The following IL6ST variants were observed in gnomAD, a reference collection of about 807,000 sequenced individuals.
IL6ST encodes interleukin 6 cytokine family signal transducer.
A neutral mutation model predicts 91.3 loss-of-function variants in IL6ST; 24 were observed. The ratio of observed to expected loss-of-function variants is 0.26; its 90% CI spans 0.19 to 0.37. IL6ST has a LOEUF of 0.37. Among genes scored for constraint, IL6ST ranks in the 10% least tolerant of loss-of-function variants. IL6ST has a pLI of 1.00. For missense variants in IL6ST, 914 were observed against 1,078.5 expected (o/e 0.85, Z 2.14); for synonymous variants, 351 against 373.6 (o/e 0.94, Z 0.70).
chr5:55,960,269 A>G (rs1459567254), intron 8 of IL6ST, 133 bp downstream of exon 8: 7 of 661,704 alleles, frequency 1.1e-5, no homozygotes, highest in Non-Finnish European at 1.8e-5. Flanking sequence ...CTTAAAAATT[A>G]AAACGTTAAA....
intron 1 of IL6ST, among the ~76,000 whole-genome samples, chr5:55,989,915 T>A (rs1204561355): frequency 6.6e-6 from 1 of 152,142 alleles, no homozygotes; most frequent in East Asian, 1.9e-4. Context: ...ACCAGAGCTA[T>A]GCTATCTGAA....
Position 55,935,803 on chromosome 5 carries a change from A to G in IL6ST, c.*5279T>C, listed in dbSNP as rs77494369. 1,785 of 217,590 alleles carry G rather than the reference A, an allele frequency of 8.2e-3. 37 individuals are homozygous for G. Among genetic ancestry groups the G allele is most frequent in the African/African-American group, 0.037 (1,638 of 44,582 alleles). The allele number at this position is 217,590 out of a possible 1,614,324, so 13.5% of individuals were successfully genotyped here. A position where few individuals can be genotyped will look rare whatever the true frequency, so the allele number is the denominator to read the frequency against. ...GGAAAGTTAAGCAATCCTGAACAAGAAAACTCTCTCACTGCCTTTGGGCTA... is the reference window on the plus strand; with the variant it reads ...GGAAAGTTAAGCAATCCTGAACAAGGAAACTCTCTCACTGCCTTTGGGCTA... On this transcript the variant is annotated 3_prime_UTR_variant, in exon 17 of 17. Transcript: ENST00000381298.
At chr5:55,950,245 A>G (rs373952209) in intron 14 of IL6ST, 47 of 468,308 alleles carry the variant, frequency 1.0e-4, no homozygotes, top group African/African-American at 9.1e-4. Context: ...GTAAGAAAAC[A>G]GGGTCAAGAG....
chr5:55,988,848 C>T (rs903285960), intron 1 of IL6ST, among the ~76,000 whole-genome samples: 14 of 150,896 alleles, frequency 9.3e-5, no homozygotes, highest in African/African-American at 2.9e-4. Flanking sequence ...CAGTGGCTCA[C>T]GGCTGTAATC....
chr5:55,988,447 A>C (rs575608867), intron 1 of IL6ST, among the ~76,000 whole-genome samples: 4 of 152,314 alleles, frequency 2.6e-5, no homozygotes, highest in African/African-American at 9.6e-5. Flanking sequence ...AGAGTTTAAC[A>C]TAACAGTCAA....
rs762546075 is a variant in IL6ST, at chr5:55,951,465, A to G, written c.1839T>C (p.Phe613=). ...AAACCAAACTTCATTATTTCTTACC[A>G]AACTTTGGGGTAGTAAAAGTGAATT... The part of the protein sequence containing the change: ...GPEFTFTTPK[F]AQGEIEAIVV... The change falls in exon 14 of 17, where the codon TTT becomes TTC. Residue 613 remains phenylalanine, a splice_region_variant and synonymous_variant. Transcript: ENST00000381298. 4 of 1,606,592 alleles carry G rather than the reference A, an allele frequency of 2.5e-6. No individual in the cohort carries two copies. The East Asian group carries it at 6.7e-5, about 27-fold the overall frequency.
intron 3 of IL6ST, among the ~76,000 whole-genome samples, chr5:55,975,483 T>C (rs146033962): frequency 0.017 from 2,652 of 152,178 alleles, 82 homozygotes; most frequent in African/African-American, 0.059. Flanking sequence ...CTTTATAAAT[T>C]ACCCAGTCTC....
chr5:55,948,494 TA>T (rs1183948106), intron 14 of IL6ST, among the ~76,000 whole-genome samples: 2 of 152,060 alleles, frequency 1.3e-5, no homozygotes, highest in African/African-American at 4.8e-5. Flanking sequence ...TGCTTGAGAA[TA>T]AACTATGGGT....
chr5:55,978,900 C>T (rs554854720), intron 2 of IL6ST, among the ~76,000 whole-genome samples: 4 of 152,164 alleles, frequency 2.6e-5, no homozygotes, highest in East Asian at 1.9e-4. Context: ...CCAAAAGAAA[C>T]GAGTGCTTAA....
intron 2 of IL6ST, 32 bp from the exon 3 acceptor site, chr5:55,976,325 T>C: frequency 7.7e-7 from 1 of 1,299,356 alleles, no homozygotes; most frequent in Non-Finnish European, 1.1e-6. Flanking sequence ...TTACTTTTAA[T>C]ATTTTTTCTC....
At chr5:55,960,665 T>C in intron 7 of IL6ST, 104 bp from the exon 8 acceptor site, 1 of 1,082,844 alleles carries the variant, frequency 9.2e-7, no homozygotes, top group Non-Finnish European at 1.3e-6. Context: ...CCTTGCTCTG[T>C]TGCCCAGGTT....
chr5:55,954,939 C>A lies in IL6ST; in HGVS notation c.1321G>T (p.Val441Leu). The A allele has an allele frequency of 6.2e-7, 1 of 1,612,772 alleles. No homozygotes were observed. The highest frequency in any genetic ancestry group is 1.1e-5 in the South Asian group (1 of 90,732). Residue 441 changes from valine (V) to leucine (L), a missense_variant, in exon 11 of 17, where the codon GTG becomes TTG. Transcript: ENST00000381298. Reference protein sequence around the residue: ...KAFPKDNMLWVEWTTPRESVK... With the variant: ...KAFPKDNMLWLEWTTPRESVK... The stretch of plus-strand genomic sequence containing the variant: ...GATTCCCTTGGAGTAGTCCATTCCA[C>A]CCAAAGCATGTTATCTTTGGGGAAT...
In IL6ST at chr5:55,936,364, T is replaced by TA. The variant is rs1554021947; in HGVS notation, c.*4717dup. 0.018 allele frequency: 3,431 copies of TA among 188,242 alleles called. 73 individuals carry two copies. The highest frequency in any genetic ancestry group is 0.048 in the African/African-American group (1,874 of 38,892). 11.7% of individuals were successfully genotyped at this position (188,242 alleles called of 1,614,324 possible). ...AGGTTTTTTTTTTTTTTTTTTTTTT[T>TA]AATGTCCACTAGGAGGGAGGATGCT... On this transcript the variant is annotated 3_prime_UTR_variant, in exon 17 of 17. Coordinates refer to ENST00000381298, the MANE Select transcript of IL6ST (RefSeq NM_002184.4).
chr5:55,945,650 T>C (rs1751200655), intron 15 of IL6ST, among the ~76,000 whole-genome samples: 1 of 93,548 alleles, frequency 1.1e-5, no homozygotes, highest in Admixed American at 9.5e-5. Flanking sequence ...AACTTATGCT[T>C]TTTTTTTTTT....
intron 1 of IL6ST, chr5:55,994,336 T>A (rs958963661): frequency 2.0e-5 from 3 of 152,144 alleles, no homozygotes; most frequent in Non-Finnish European, 4.4e-5. Flanking sequence ...TTGTGAACTT[T>A]CAACAAAGCT....
chr5:55,940,310 ATCCC>A lies in IL6ST; in HGVS notation c.*768_*771del, dbSNP rs1750817907. 1 of 211,614 alleles carries A rather than the reference ATCCC, an allele frequency of 4.7e-6. No individual in the cohort carries two copies. Among genetic ancestry groups the A allele is most frequent in the Admixed American group, 5.9e-5 (1 of 17,030 alleles). The allele number at this position is 211,614 out of a possible 1,614,324, so 13.1% of individuals were successfully genotyped here. A position where few individuals can be genotyped will look rare whatever the true frequency, so the allele number is the denominator to read the frequency against. On this transcript the variant is annotated 3_prime_UTR_variant, in exon 17 of 17. Coordinates refer to ENST00000381298, the MANE Select transcript of IL6ST (RefSeq NM_002184.4). ...TTAGATGCTTGAGATAGTTTGGGGG[ATCCC>A]TAGCTCTTATCATGGCACTCTGTTG...
chr5:55,960,541 T>C lies in IL6ST; in HGVS notation c.834A>G (p.Ala278=), dbSNP rs774975890. The C allele has an allele frequency of 6.2e-7, 1 of 1,613,486 alleles. No homozygotes were observed. Among genetic ancestry groups the C allele is most frequent in the Non-Finnish European group, 8.5e-7 (1 of 1,179,804 alleles). The change falls in exon 8 of 17, where the codon GCA becomes GCG. Residue 278 remains alanine, a synonymous_variant. Transcript: ENST00000381298. ...GGACAGTGAATGAAGATCGGGTGGA[T>C]GCTGTGTCTTCAGGAGGAATCTGAA... The part of the protein sequence containing the change: ...TWSQIPPEDT[A]STRSSFTVQD...
intron 8 of IL6ST, 129 bp downstream of exon 8, chr5:55,960,273 C>T (rs1196431240): frequency 8.8e-6 from 6 of 684,378 alleles, no homozygotes; most frequent in African/African-American, 7.3e-5. Flanking sequence ...AAAATTAAAA[C>T]GTTAAAATAC....
At chr5:55,964,366 G>A in intron 5 of IL6ST, 54 bp from the exon 6 acceptor site, 3 of 1,351,202 alleles carry the variant, frequency 2.2e-6, no homozygotes, top group Admixed American at 2.1e-5. Flanking sequence ...GAAAAAATTA[G>A]AGTGAAAAAA....
Sources: allele counts gnomAD v4.1 joint callset (sites outside exome capture counted in the v4.1 genomes callset), GRCh38; gene constraint gnomAD v4.1.1; transcripts MANE v1.5; gene names NCBI Gene and HGNC (gene_info 2026-07-23, HGNC 2026-07-21).